UHRF1: variants seen among roughly 807,000 people sequenced by gnomAD.
UHRF1 encodes ubiquitin like with PHD and ring finger domains 1, also known as E3 ubiquitin-protein ligase UHRF1.
Under a neutral mutation model 96.5 loss-of-function variants are expected in UHRF1, and 9 were observed. That is an observed-to-expected ratio of 0.09 (90% CI 0.06 to 0.16). UHRF1 has a LOEUF of 0.16. Ranked by LOEUF, UHRF1 falls within the 10% of genes least tolerant of loss-of-function variation. The probability of loss-of-function intolerance (pLI) is 1.00; values close to 1 mark genes in which losing one functional copy is unlikely to be tolerated. For synonymous variants in UHRF1, 455 were observed against 469.9 expected, an observed-to-expected ratio of 0.97 and a Z score of 0.41; for missense variants, 626 against 1,131.1, an observed-to-expected ratio of 0.55 and a Z score of 6.40.
intron 8 of UHRF1, 31 bp downstream of exon 8, chr19:4,944,286 C>A: frequency 1.9e-6 from 3 of 1,613,886 alleles, no homozygotes; most frequent in Non-Finnish European, 2.5e-6. Flanking sequence ...GTGCCCGTGG[C>A]CCCTCCCCGC....
At chr19:4,928,104 AC>A (rs1337173123) in intron 2 of UHRF1, among the ~76,000 whole-genome samples, 2 of 150,336 alleles carry the variant, frequency 1.3e-5, no homozygotes, top group East Asian at 2.0e-4. Flanking sequence ...GTGACTTCAC[AC>A]CCCCCCACCC....
In UHRF1 at chr19:4,909,534, C is replaced by T. The variant is rs905178598; in HGVS notation, c.-132C>T. On this transcript the variant is annotated 5_prime_UTR_variant, in exon 1 of 17. Coordinates refer to ENST00000650932, the MANE Select transcript of UHRF1 (RefSeq NM_001048201.3). ...TGGCAGCGCGGCGGGCAGCGTTTGC[C>T]GAGCGGGCGCTCCGGGTCGCACGCA... The T allele has an allele frequency of 7.7e-5, 51 of 658,478 alleles. No individual in the cohort carries two copies. The highest frequency in any genetic ancestry group is 4.7e-4 in the Middle Eastern group (2 of 4,232). 40.8% of individuals were successfully genotyped at this position (658,478 alleles called of 1,614,324 possible).
At chr19:4,945,673 T>C (rs553214570) in intron 9 of UHRF1, among the ~76,000 whole-genome samples, 188 bp from the exon 10 acceptor site, 17 of 138,938 alleles carry the variant, frequency 1.2e-4, no homozygotes, top group South Asian at 2.4e-4. Flanking sequence ...TTTTTTTTTT[T>C]CCATGGTGCA....
rs1228486058 is a variant in UHRF1, at chr19:4,961,721, A to G, written c.*918A>G. 1 of 147,742 alleles carries G rather than the reference A, an allele frequency of 6.8e-6. No homozygotes were observed. The highest frequency in any genetic ancestry group is 2.0e-4 in the East Asian group (1 of 5,050). The allele number at this position is 147,742 out of a possible 1,614,324, so 9.2% of individuals were successfully genotyped here. On this transcript the variant is annotated 3_prime_UTR_variant, in exon 17 of 17. Coordinates refer to ENST00000650932, the MANE Select transcript of UHRF1 (RefSeq NM_001048201.3). ...CTTGGGAACCGTTTGAGCCTTATAG[A>G]TCATTTACATTCAATTTTTTTAACT...
intron 5 of UHRF1, among the ~76,000 whole-genome samples, chr19:4,940,708 T>C (rs1182780890): frequency 6.6e-6 from 1 of 152,020 alleles, no homozygotes; most frequent in Non-Finnish European, 1.5e-5. Context: ...AGTCTCACTC[T>C]GTCGCCCAGG....
At chr19:4,919,908 C>T (rs1039585690) in intron 2 of UHRF1, among the ~76,000 whole-genome samples, 3 of 151,896 alleles carry the variant, frequency 2.0e-5, no homozygotes, top group African/African-American at 4.8e-5. Flanking sequence ...CCCTCCGCCT[C>T]CCGGGTTCAA....
chr19:4,910,203 C>T (rs2032202140), intron 1 of UHRF1: 1 of 151,216 alleles, frequency 6.6e-6, no homozygotes, highest in African/African-American at 2.4e-5. Context: ...CGCCGAGGGT[C>T]CAGGGTTTGG....
intron 2 of UHRF1, among the ~76,000 whole-genome samples, chr19:4,927,792 G>T (rs1767860621): frequency 6.6e-6 from 1 of 152,080 alleles, no homozygotes; most frequent in South Asian, 2.1e-4. Flanking sequence ...GGGAGACCCA[G>T]CCCATCCCAG....
intron 1 of UHRF1, among the ~76,000 whole-genome samples, chr19:4,904,368 A>G (rs1311179766): frequency 6.6e-6 from 1 of 151,940 alleles, no homozygotes; most frequent in Non-Finnish European, 1.5e-5. Flanking sequence ...TTTAGTAGAG[A>G]CGGGGTTTCA....
At chr19:4,923,680 G>A (rs1381196918) in intron 2 of UHRF1, among the ~76,000 whole-genome samples, 1 of 152,180 alleles carries the variant, frequency 6.6e-6, no homozygotes, top group Non-Finnish European at 1.5e-5. Context: ...GCTCACTGCG[G>A]GTGATTCCAC....
At chr19:4,928,710 C>A (rs527977679) in intron 2 of UHRF1, among the ~76,000 whole-genome samples, 4 of 152,140 alleles carry the variant, frequency 2.6e-5, no homozygotes, top group Non-Finnish European at 4.4e-5. Flanking sequence ...ACAGTGGGAC[C>A]GTCCTGGGCA....
Position 4,911,682 on chromosome 19 carries a change from C to T in UHRF1, c.153+644C>T, listed in dbSNP as rs2032283750. On this transcript the variant is annotated intron_variant, in intron 2 of 16. Transcript: ENST00000650932. ...CCCTCGTTGCATTTAAAATGTCCCCCTTTGATTTCATAGCTGCCACGTTTG... is the reference window on the plus strand; with the variant it reads ...CCCTCGTTGCATTTAAAATGTCCCCTTTTGATTTCATAGCTGCCACGTTTG... Among the ~76,000 whole-genome samples the T allele has an allele frequency of 2.0e-5, 3 of 152,156 alleles. No individual in the cohort carries two copies. The South Asian group carries it at 6.2e-4, about 31-fold the overall frequency.
At chr19:4,933,233 G>C (rs1213458261) in intron 5 of UHRF1, among the ~76,000 whole-genome samples, 1 of 152,090 alleles carries the variant, frequency 6.6e-6, no homozygotes, top group Non-Finnish European at 1.5e-5. Flanking sequence ...TTTTCTCATG[G>C]TGTTTTTTTT....
intron 11 of UHRF1, 72 bp downstream of exon 11, chr19:4,947,283 A>T: frequency 7.2e-7 from 1 of 1,379,740 alleles, no homozygotes; most frequent in East Asian, 2.3e-5. Flanking sequence ...TTTGGGCCTC[A>T]TGTCCAGCAA....
chr19:4,924,052 C>T (rs1437734776), intron 2 of UHRF1, among the ~76,000 whole-genome samples: 8 of 152,250 alleles, frequency 5.3e-5, no homozygotes, highest in African/African-American at 1.7e-4. Flanking sequence ...CTGCAACCTC[C>T]ACCTCCCAGG....
chr19:4,920,457 C>T (rs559928505), intron 2 of UHRF1, among the ~76,000 whole-genome samples: 1 of 152,100 alleles, frequency 6.6e-6, no homozygotes, highest in East Asian at 1.9e-4. Flanking sequence ...AAGTAAGTCC[C>T]ACGTAGCCAT....
At chr19:4,931,975 C>T (rs1157419915) in intron 4 of UHRF1, among the ~76,000 whole-genome samples, 1 of 152,106 alleles carries the variant, frequency 6.6e-6, no homozygotes. Flanking sequence ...TCTTGTTGCC[C>T]AGGCTGGCGT....
At chr19:4,914,130 T>G (rs375133862) in intron 2 of UHRF1, among the ~76,000 whole-genome samples, 4 of 152,182 alleles carry the variant, frequency 2.6e-5, no homozygotes, top group African/African-American at 9.6e-5. Flanking sequence ...CCGGCCCCCA[T>G]GCAGTAGCTT....
chr19:4,940,508 A>G (rs1451858659), intron 5 of UHRF1, among the ~76,000 whole-genome samples: 1 of 151,254 alleles, frequency 6.6e-6, no homozygotes, highest in East Asian at 1.9e-4. Flanking sequence ...CTGGGATTAC[A>G]GGCACGGGCC....
Sources: allele counts gnomAD v4.1 joint callset (sites outside exome capture counted in the v4.1 genomes callset), GRCh38; gene constraint gnomAD v4.1.1; transcripts MANE v1.5; gene names NCBI Gene and HGNC (gene_info 2026-07-23, HGNC 2026-07-21).